Variants in ZFHX3 observed in about 807,000 individuals in gnomAD.
The protein encoded by ZFHX3 is zinc finger homeobox protein 3.
Under a neutral mutation model 279.1 loss-of-function variants are expected in ZFHX3, and 42 were observed. That is an observed-to-expected ratio of 0.15 (90% CI 0.12 to 0.19). The LOEUF (loss-of-function observed/expected upper bound fraction) is 0.19, where lower values mean the gene tolerates loss of function less well. Among genes scored for constraint, ZFHX3 ranks in the 10% least tolerant of loss-of-function variants. The pLI is 1.00. For missense variants in ZFHX3, 4,981 were observed against 4,754.0 expected, an observed-to-expected ratio of 1.05 and a Z score of -1.40; for synonymous variants, 2,293 against 1,957.8, an observed-to-expected ratio of 1.17 and a Z score of -4.52.
chr16:73,219,823 C>T (rs755144348), intron 5 of ZFHX3, among the ~76,000 whole-genome samples: 2 of 152,160 alleles, frequency 1.3e-5, no homozygotes, highest in Non-Finnish European at 2.9e-5. Flanking sequence ...TGGTGGCTCA[C>T]GCCTGTAATC....
rs544674638 is a variant in ZFHX3 at position 72,990,836 on chromosome 16, C to T, written c.-49-30642G>A. 1.3e-4 allele frequency among the ~76,000 whole-genome samples: 20 copies of T among 152,110 alleles called. No individual in the cohort carries two copies. The South Asian group carries it at 3.7e-3, about 28-fold the overall frequency. On this transcript the variant is annotated intron_variant, in intron 1 of 9. Transcript: ENST00000268489. ...CCACTACTAAAATACAAAAATTAGC[C>T]GGGTGTGGCGGCACATGCCTGTAAT...
At chr16:73,385,696 G>A (rs2016888995) in intron 3 of ZFHX3, among the ~76,000 whole-genome samples, 1 of 152,222 alleles carries the variant, frequency 6.6e-6, no homozygotes, top group Non-Finnish European at 1.5e-5. Context: ...CTCCAGAGGT[G>A]GAGGACCAGC....
chr16:73,475,465 A>G (rs568656268), intron 2 of ZFHX3, among the ~76,000 whole-genome samples: 1 of 152,230 alleles, frequency 6.6e-6, no homozygotes, highest in East Asian at 1.9e-4. Context: ...TTCTAATATT[A>G]TTATATCATG....
At chr16:73,199,719 A>T (rs1311117573) in intron 5 of ZFHX3, among the ~76,000 whole-genome samples, 1 of 152,222 alleles carries the variant, frequency 6.6e-6, no homozygotes, top group African/African-American at 2.4e-5. Flanking sequence ...CCTTGCTAAC[A>T]CAGGCTCCTT....
At chr16:73,300,426 T>C (rs1382836914) in intron 4 of ZFHX3, among the ~76,000 whole-genome samples, 1 of 152,056 alleles carries the variant, frequency 6.6e-6, no homozygotes, top group East Asian at 1.9e-4. Flanking sequence ...GGCATAAAGA[T>C]GTCCTGCAGG....
intron 5 of ZFHX3, among the ~76,000 whole-genome samples, chr16:73,146,352 C>T (rs1463566950): frequency 3.9e-5 from 6 of 151,924 alleles, no homozygotes; most frequent in African/African-American, 9.7e-5. Flanking sequence ...CGCTTCAACC[C>T]GGGAGGCGGA....
At chr16:73,502,087 A>C (rs4888428) in intron 2 of ZFHX3, among the ~76,000 whole-genome samples, 46,586 of 151,670 alleles carry the variant, frequency 0.31, 7,613 homozygotes, top group African/African-American at 0.4. Flanking sequence ...AAGGTACAGC[A>C]TTAAAAGTTA....
chr16:73,258,720 A>G (rs2013733236), intron 4 of ZFHX3, among the ~76,000 whole-genome samples: 2 of 152,178 alleles, frequency 1.3e-5, no homozygotes, highest in South Asian at 4.1e-4. Flanking sequence ...TTAGAACTCC[A>G]TTTTGATCAC....
intron 1 of ZFHX3, among the ~76,000 whole-genome samples, chr16:73,764,742 A>G (rs1490171872): frequency 6.6e-6 from 1 of 152,200 alleles, no homozygotes; most frequent in East Asian, 1.9e-4. Context: ...AACAGTAGAC[A>G]GCCTTTGTAA....
In ZFHX3 at chr16:73,632,824, C is replaced by A. The variant is rs534738166; in HGVS notation, c.-1547+47356G>T. ...GGGAACGGTGGCTTACGCCTGTAAT[C>A]CCAGCACTTTGGGAGGCCGAGGCAG... On this transcript the variant is annotated intron_variant, in intron 2 of 17. Coordinates refer to the ZFHX3 transcript ENST00000641206. Among the ~76,000 whole-genome samples the A allele has an allele frequency of 2.1e-4, 32 of 152,282 alleles. No homozygotes were observed. In the South Asian group the frequency reaches 5.4e-3, roughly 26 times the overall value.
Position 72,957,689 on chromosome 16 carries a change from G to A in ZFHX3, c.2457C>T (p.Leu819=), listed in dbSNP as rs773938094. 1 of 1,614,178 alleles carries A rather than the reference G, an allele frequency of 6.2e-7. No homozygotes were observed. The highest frequency in any genetic ancestry group is 8.5e-7 in the Non-Finnish European group (1 of 1,180,030). ...CDYETNVARN[L]RIHMTSEKHM... ...GCTTCTCACTGGTCATGTGAATGCGGAGGTTCCTGGCCACGTTGGTCTCAT... is the reference window on the plus strand; with the variant it reads ...GCTTCTCACTGGTCATGTGAATGCGAAGGTTCCTGGCCACGTTGGTCTCAT... Residue 819 remains leucine (L), a synonymous_variant, in exon 2 of 10, where the codon CTC becomes CTT. Coordinates refer to ENST00000268489, the MANE Select transcript of ZFHX3 (RefSeq NM_006885.4).
chr16:73,570,654 GA>G (rs760221114), intron 2 of ZFHX3, among the ~76,000 whole-genome samples: 1 of 151,872 alleles, frequency 6.6e-6, no homozygotes, highest in Non-Finnish European at 1.5e-5. Flanking sequence ...TATATTAAAA[GA>G]AAAAAATCTA....
intron 1 of ZFHX3, among the ~76,000 whole-genome samples, chr16:73,736,098 A>G (rs2053607909): frequency 6.6e-6 from 1 of 152,096 alleles, no homozygotes; most frequent in African/African-American, 2.4e-5. Context: ...TTGAGGCAGC[A>G]TGCCATCTTT....
chr16:72,913,599 G>T (rs1187735072), intron 3 of ZFHX3, among the ~76,000 whole-genome samples: 2 of 152,118 alleles, frequency 1.3e-5, no homozygotes, highest in African/African-American at 4.8e-5. Context: ...ACATCTGCTG[G>T]GTTTCTCCAA....
intron 1 of ZFHX3, among the ~76,000 whole-genome samples, chr16:73,705,381 G>A (rs1185393248): frequency 6.6e-6 from 1 of 152,122 alleles, no homozygotes; most frequent in Admixed American, 6.6e-5. Context: ...GTGAGAGGGT[G>A]AGAGCAGCAA....
intron 3 of ZFHX3, among the ~76,000 whole-genome samples, chr16:72,939,983 C>T (rs572428684): frequency 1.1e-4 from 17 of 152,290 alleles, no homozygotes; most frequent in Non-Finnish European, 2.2e-4. Context: ...CTATGTTGCC[C>T]AGGCTGGTCT....
At chr16:73,164,025 G>A (rs1450560945) in intron 5 of ZFHX3, among the ~76,000 whole-genome samples, 4 of 152,134 alleles carry the variant, frequency 2.6e-5, no homozygotes, top group African/African-American at 9.7e-5. Context: ...TAGGTGGAAA[G>A]CCTTGTAGAG....
In ZFHX3 at chr16:73,807,728, C is replaced by T. The variant is rs541890918; in HGVS notation, c.-1608+83923G>A. 3.3e-5 allele frequency among the ~76,000 whole-genome samples: 5 copies of T among 150,182 alleles called. No homozygotes were observed. The South Asian group carries it at 1.1e-3, about 32-fold the overall frequency. Reference sequence around the variant, plus strand: ...TCAAGCAATCCACCCACATCAGCCTCCCAAAATGTTGGAATTACAGACGTA... The same window carrying T: ...TCAAGCAATCCACCCACATCAGCCTTCCAAAATGTTGGAATTACAGACGTA... On this transcript the variant is annotated intron_variant, in intron 1 of 17. Transcript: ENST00000641206.
chr16:73,809,817 G>A (rs548563993), intron 1 of ZFHX3: 1 of 152,294 alleles, frequency 6.6e-6, no homozygotes, highest in African/African-American at 2.4e-5. Context: ...ACCTAGTCTT[G>A]CCTATAGTTT....
Sources: gnomAD v4.1 joint callset for allele counts (sites outside exome capture counted in the v4.1 genomes callset) on GRCh38, gnomAD v4.1.1 for gene constraint, MANE v1.5 for transcripts, NCBI Gene and HGNC (gene_info 2026-07-23, HGNC 2026-07-21) for gene names.